The following TBC1D9 variants were observed in gnomAD, a reference collection of about 807,000 sequenced individuals.
TBC1D9 encodes TBC1 domain family member 9.
In TBC1D9, 63 loss-of-function variants were observed where a neutral mutation model predicts 132.0. That is an observed-to-expected ratio of 0.48 (90% confidence interval 0.39 to 0.59). TBC1D9 has a LOEUF of 0.59. TBC1D9 is among the 20% of genes least tolerant of loss of function. TBC1D9 has a pLI of 0.00. For missense variants in TBC1D9, 1,261 were observed against 1,592.7 expected, an observed-to-expected ratio of 0.79 and a Z score of 3.54; for synonymous variants, 610 against 609.9, an observed-to-expected ratio of 1.00 and a Z score of 0.00.
chr4:140,628,532 T>C (rs1736742896), intron 16 of TBC1D9, among the ~76,000 whole-genome samples, 167 bp from the exon 17 acceptor site: 1 of 152,172 alleles, frequency 6.6e-6, no homozygotes, highest in East Asian at 1.9e-4. Flanking sequence ...ACCAGGATGG[T>C]TGGTTTCAAA....
chr4:140,687,382 AT>A (rs1737804470), intron 2 of TBC1D9, among the ~76,000 whole-genome samples: 1 of 79,498 alleles, frequency 1.3e-5, no homozygotes, highest in Non-Finnish European at 2.9e-5. Flanking sequence ...ATATATATAT[AT>A]ATATATATAT....
At chr4:140,651,072 G>A (rs1352636238) in intron 13 of TBC1D9, among the ~76,000 whole-genome samples, 1 of 152,188 alleles carries the variant, frequency 6.6e-6, no homozygotes, top group East Asian at 1.9e-4. Context: ...AGACTTTTAT[G>A]CACACATAGG....
chr4:140,689,338 C>T (rs1737837142), intron 2 of TBC1D9, among the ~76,000 whole-genome samples: 1 of 152,048 alleles, frequency 6.6e-6, no homozygotes, highest in Admixed American at 6.6e-5. Context: ...AGCCCATCAG[C>T]CATAAGACCT....
intron 17 of TBC1D9, among the ~76,000 whole-genome samples, chr4:140,628,008 C>G (rs1191711089): frequency 6.6e-6 from 1 of 152,224 alleles, no homozygotes; most frequent in Non-Finnish European, 1.5e-5. Flanking sequence ...CCTTTTCTCT[C>G]TCACAATCCT....
intron 16 of TBC1D9, among the ~76,000 whole-genome samples, chr4:140,631,788 G>A (rs1578814351): frequency 6.6e-6 from 1 of 151,888 alleles, no homozygotes; most frequent in Non-Finnish European, 1.5e-5. Context: ...GTAGAGACAG[G>A]GTCTTACCAC....
chr4:140,661,667 C>T (rs886444606), intron 10 of TBC1D9, among the ~76,000 whole-genome samples: 1 of 152,136 alleles, frequency 6.6e-6, no homozygotes, highest in African/African-American at 2.4e-5. Context: ...GGATTTTCTA[C>T]CAGCATCTAG....
intron 1 of TBC1D9, among the ~76,000 whole-genome samples, chr4:140,704,575 C>T (rs1738123004): frequency 6.6e-6 from 1 of 152,048 alleles, no homozygotes; most frequent in African/African-American, 2.4e-5. Context: ...CAGGGGCAGT[C>T]CTGGTTCTAG....
chr4:140,629,299 G>T (rs926782983), intron 16 of TBC1D9, among the ~76,000 whole-genome samples: 2 of 152,152 alleles, frequency 1.3e-5, no homozygotes. Context: ...ACTTTATGAA[G>T]TCCGTGAACC....
At chr4:140,655,705 T>C (rs1282910202) in intron 13 of TBC1D9, among the ~76,000 whole-genome samples, 1 of 152,124 alleles carries the variant, frequency 6.6e-6, no homozygotes, top group Non-Finnish European at 1.5e-5. Context: ...TGTTGTGAGA[T>C]AGAGCGGCAG....
At chr4:140,753,152 CTCT>C (rs1224743073) in intron 1 of TBC1D9, among the ~76,000 whole-genome samples, 5 of 152,202 alleles carry the variant, frequency 3.3e-5, no homozygotes, top group African/African-American at 4.8e-5. Context: ...CATCATGTTC[CTCT>C]TCTTATGATA....
At chr4:140,652,119 T>C (rs1391358299) in intron 13 of TBC1D9, among the ~76,000 whole-genome samples, 1 of 151,908 alleles carries the variant, frequency 6.6e-6, no homozygotes, top group Non-Finnish European at 1.5e-5. Flanking sequence ...TGCACGCCTG[T>C]AGTTTCAGCT....
intron 3 of TBC1D9, among the ~76,000 whole-genome samples, chr4:140,680,654 C>T (rs192399587): frequency 6.6e-6 from 1 of 152,182 alleles, no homozygotes; most frequent in Admixed American, 6.5e-5. Context: ...AATGCATGAC[C>T]TTTAGAGCAT....
intron 13 of TBC1D9, among the ~76,000 whole-genome samples, chr4:140,651,694 A>G (rs1391873627): frequency 4.6e-5 from 7 of 152,236 alleles, no homozygotes; most frequent in Non-Finnish European, 1.0e-4. Context: ...ATTCTTTTAC[A>G]GGTGAAATAA....
In TBC1D9 at chr4:140,639,386, A is replaced by T; in HGVS notation, c.2380T>A (p.Phe794Ile). ...IRADLIEQMR[F>I]KQRLKVIQTL... ...TGGATCACTTTCAGTCTCTGTTTGAATCTCATCTGTTCAATCAAATCTGCC... is the reference window on the plus strand; with the variant it reads ...TGGATCACTTTCAGTCTCTGTTTGATTCTCATCTGTTCAATCAAATCTGCC... The change falls in exon 14 of 21, where the codon TTC becomes ATC. Residue 794 changes from phenylalanine to isoleucine, a missense_variant. Phe to Ile is a conservative substitution (Grantham distance 21). Around this residue, in one of 3 missense-constraint regions of TBC1D9, gnomAD observed 618 missense variants for 724.4 expected, o/e 0.85. Transcript: ENST00000442267. 1.2e-6 allele frequency: 2 copies of T among 1,613,122 alleles called. No individual in the cohort carries two copies. The highest frequency in any genetic ancestry group is 1.7e-6 in the Non-Finnish European group (2 of 1,179,562).
intron 15 of TBC1D9, among the ~76,000 whole-genome samples, chr4:140,638,102 T>A (rs999954548): frequency 6.6e-6 from 1 of 152,224 alleles, no homozygotes; most frequent in Non-Finnish European, 1.5e-5. Flanking sequence ...ATTTTCTGAC[T>A]GTAAGACGTA....
intron 2 of TBC1D9, among the ~76,000 whole-genome samples, chr4:140,694,766 T>C (rs1235666337): frequency 7.2e-6 from 1 of 139,336 alleles, no homozygotes; most frequent in Non-Finnish European, 1.5e-5. Context: ...TATATAGGTA[T>C]ATAAAGTATA....
At chr4:140,710,960 G>A (rs938429118) in intron 1 of TBC1D9, among the ~76,000 whole-genome samples, 5 of 152,160 alleles carry the variant, frequency 3.3e-5, no homozygotes, top group African/African-American at 9.7e-5. Flanking sequence ...GCATACCTAG[G>A]AAGCTGGCCT....
intron 13 of TBC1D9, among the ~76,000 whole-genome samples, chr4:140,655,685 G>A (rs34048850): frequency 0.016 from 2,439 of 152,210 alleles, 29 homozygotes; most frequent in South Asian, 0.029. Flanking sequence ...CCCAAAAAGC[G>A]TATTAGTTCT....
intron 1 of TBC1D9, among the ~76,000 whole-genome samples, chr4:140,709,664 A>G (rs12648609): frequency 0.27 from 41,113 of 152,012 alleles, 5,611 homozygotes; most frequent in Non-Finnish European, 0.29. Context: ...GCAGTCCCCA[A>G]CCTTTTGGCA....
Sources: gnomAD v4.1 joint callset for allele counts (sites outside exome capture counted in the v4.1 genomes callset) on GRCh38, gnomAD v4.1.1 for gene constraint, gnomAD v4.1.1 regional missense constraint, MANE v1.5 for transcripts, NCBI Gene and HGNC (gene_info 2026-07-23, HGNC 2026-07-21) for gene names.